Variants in CDYL2 observed in about 807,000 individuals in gnomAD.
The protein encoded by CDYL2 is chromodomain Y like 2.
Under a neutral mutation model 49.4 loss-of-function variants are expected in CDYL2, and 23 were observed. The ratio of observed to expected loss-of-function variants is 0.47; its 90% CI spans 0.34 to 0.66. CDYL2 has a LOEUF of 0.66. CDYL2 is among the 30% of genes least tolerant of loss of function. The probability of loss-of-function intolerance (pLI) is 0.01; values close to 1 mark genes in which losing one functional copy is unlikely to be tolerated. For synonymous variants in CDYL2, 360 were observed against 268.8 expected (o/e 1.34, Z -3.32); for missense variants, 678 against 656.4 (o/e 1.03, Z -0.36).
chr16:80,667,956 A>T (rs1909337766), intron 2 of CDYL2, among the ~76,000 whole-genome samples: 1 of 152,242 alleles, frequency 6.6e-6, no homozygotes, highest in Admixed American at 6.5e-5. Context: ...GCAGGATGGC[A>T]CCCGGGCAAT....
chr16:80,769,145 G>C (rs925073539), intron 1 of CDYL2, among the ~76,000 whole-genome samples: 1 of 152,214 alleles, frequency 6.6e-6, no homozygotes, highest in African/African-American at 2.4e-5. Flanking sequence ...CCCAGAGCCA[G>C]TGACTCTACA....
intron 1 of CDYL2, among the ~76,000 whole-genome samples, chr16:80,761,052 A>C (rs1000100389): frequency 1.3e-5 from 2 of 152,350 alleles, no homozygotes; most frequent in Middle Eastern, 3.4e-3. Context: ...AATTGTGAAG[A>C]AAAAGCCATA....
chr16:80,759,899 C>A (rs1184374914), intron 1 of CDYL2, among the ~76,000 whole-genome samples: 1 of 149,882 alleles, frequency 6.7e-6, no homozygotes, highest in African/African-American at 2.5e-5. Context: ...GAGGTCCTGT[C>A]CTAAATTCTA....
intron 2 of CDYL2, among the ~76,000 whole-genome samples, chr16:80,641,705 C>G (rs563965416): frequency 1.9e-4 from 25 of 130,346 alleles, no homozygotes; most frequent in African/African-American, 7.1e-4. Context: ...AATGAGAACA[C>G]ATGGACACAG....
chr16:80,653,579 T>C lies in CDYL2; in HGVS notation c.617-20343A>G, dbSNP rs1385120905. Among the ~76,000 whole-genome samples, 6 of 152,210 alleles carry C rather than the reference T, an allele frequency of 3.9e-5. No homozygotes were observed. In the East Asian group the frequency reaches 9.6e-4, roughly 24 times the overall value. On this transcript the variant is annotated intron_variant, in intron 2 of 6. Coordinates refer to ENST00000570137, the MANE Select transcript of CDYL2 (RefSeq NM_152342.4). ...TGTTTTAACTTTTGTGAGTACATAA[T>C]AGGTGTACATATTTAAGGGTACATG... is the stretch of plus-strand genomic sequence containing the variant.
In CDYL2 at chr16:80,706,635, G is replaced by A. The variant is rs967666851; in HGVS notation, c.25-21506C>T. Among the ~76,000 whole-genome samples, 23 of 152,116 alleles carry A rather than the reference G, an allele frequency of 1.5e-4. 1 individual carries two copies. The highest frequency in any genetic ancestry group is 4.1e-4 in the African/African-American group (17 of 41,422). On this transcript the variant is annotated intron_variant, in intron 1 of 6. Transcript: ENST00000570137. ...CCAGGGGAAATCATCCCCTCCTCCTGCACAAAAGTGATTATCAAGGGTGCC... is the reference window on the plus strand; with the variant it reads ...CCAGGGGAAATCATCCCCTCCTCCTACACAAAAGTGATTATCAAGGGTGCC...
chr16:80,673,388 G>A (rs1177458674), intron 2 of CDYL2, among the ~76,000 whole-genome samples: 4 of 152,030 alleles, frequency 2.6e-5, no homozygotes, highest in African/African-American at 7.2e-5. Flanking sequence ...ACACTTTCCA[G>A]TTATATCAAA....
rs1472463798 is a variant in CDYL2, at chr16:80,633,183, G to C, written c.670C>G (p.Leu224Val). 6 of 1,614,076 alleles carry C rather than the reference G, an allele frequency of 3.7e-6. No homozygotes were observed. In the East Asian group the frequency reaches 6.7e-5, roughly 18 times the overall value. Residue 224 changes from leucine to valine, a missense_variant, in exon 3 of 7, where the codon CTG becomes GTG. Transcript: ENST00000570137. Reference sequence around the variant, plus strand: ...AAGACGTAGTCCTTCTCCGCTTCCAGCTTCCTCTTCACTGGACTGTGCAGG... The same window carrying C: ...AAGACGTAGTCCTTCTCCGCTTCCACCTTCCTCTTCACTGGACTGTGCAGG... ...LNLHSPVKRK[L>V]EAEKDYVFDK...
chr16:80,636,466 A>G (rs1259945171), intron 2 of CDYL2, among the ~76,000 whole-genome samples: 1 of 152,232 alleles, frequency 6.6e-6, no homozygotes, highest in Non-Finnish European at 1.5e-5. Context: ...GCTCATCATC[A>G]CCGGTCATTA....
intron 2 of CDYL2, among the ~76,000 whole-genome samples, chr16:80,660,771 G>T (rs1291806270): frequency 6.6e-6 from 1 of 152,106 alleles, no homozygotes; most frequent in African/African-American, 2.4e-5. Context: ...CAGCAAAGAG[G>T]GGAAGAAAAA....
chr16:80,625,474 G>C (rs73592214), intron 3 of CDYL2, among the ~76,000 whole-genome samples: 1 of 152,134 alleles, frequency 6.6e-6, no homozygotes, highest in African/African-American at 2.4e-5. Flanking sequence ...ACCCTTAATT[G>C]TATATCTGAA....
chr16:80,769,771 A>T (rs1303425952), intron 1 of CDYL2, among the ~76,000 whole-genome samples: 1 of 152,242 alleles, frequency 6.6e-6, no homozygotes, highest in African/African-American at 2.4e-5. Context: ...ATAATAAGGT[A>T]TTTGCATAGG....
intron 1 of CDYL2, among the ~76,000 whole-genome samples, chr16:80,712,215 A>ATGTATATATATATATATATATATG (rs763194077): frequency 7.8e-6 from 1 of 128,358 alleles, no homozygotes; most frequent in Non-Finnish European, 1.8e-5. Flanking sequence ...ATATATATAT[A>ATGTATATATATATATATATATATG]TCTCCAAACC....
chr16:80,656,171 A>C (rs541393486), intron 2 of CDYL2, among the ~76,000 whole-genome samples: 3 of 152,332 alleles, frequency 2.0e-5, no homozygotes, highest in Non-Finnish European at 4.4e-5. Context: ...TAAAGAACTG[A>C]CCTGGGGTCA....
chr16:80,665,653 G>T (rs1361211246), intron 2 of CDYL2, among the ~76,000 whole-genome samples: 1 of 152,204 alleles, frequency 6.6e-6, no homozygotes, highest in Middle Eastern at 3.4e-3. Context: ...TTTCTGCAAG[G>T]GTGGTGAAGT....
intron 1 of CDYL2, among the ~76,000 whole-genome samples, chr16:80,709,561 G>GACACACACACAC (rs10673992): frequency 4.9e-5 from 7 of 143,654 alleles, no homozygotes; most frequent in Admixed American, 1.4e-4. Flanking sequence ...GGAATAAACA[G>GACACACACACAC]ACACACACAC....
At chr16:80,745,980 T>C (rs1905915806) in intron 1 of CDYL2, among the ~76,000 whole-genome samples, 1 of 152,162 alleles carries the variant, frequency 6.6e-6, no homozygotes, top group African/African-American at 2.4e-5. Context: ...CTGCTATCAA[T>C]CAGCAAGGCT....
At chr16:80,787,555 A>G (rs74030440) in intron 1 of CDYL2, among the ~76,000 whole-genome samples, 5,623 of 152,200 alleles carry the variant, frequency 0.037, 343 homozygotes, top group African/African-American at 0.13. Flanking sequence ...AGAAAATTCA[A>G]TGTGAAACAC....
rs1217905233 is a variant in CDYL2 at position 80,613,740 on chromosome 16, A to G, written c.1008-904T>C. 2.0e-5 allele frequency among the ~76,000 whole-genome samples: 3 copies of G among 152,208 alleles called. No homozygotes were observed. The East Asian group carries it at 5.8e-4, about 29-fold the overall frequency. On this transcript the variant is annotated intron_variant, in intron 4 of 6. Coordinates refer to ENST00000570137, the MANE Select transcript of CDYL2 (RefSeq NM_152342.4). ...TATGTATGATCTATAAAATTTTAAT[A>G]TTCATCTGGACATGGAGGAAAGACA... is the stretch of plus-strand genomic sequence containing the variant.
Sources: gnomAD v4.1 joint callset for allele counts (sites outside exome capture counted in the v4.1 genomes callset) on GRCh38, gnomAD v4.1.1 for gene constraint, MANE v1.5 for transcripts, NCBI Gene and HGNC (gene_info 2026-07-23, HGNC 2026-07-21) for gene names.